LRP1B: variants seen among roughly 807,000 people sequenced by gnomAD.
The protein encoded by LRP1B is low-density lipoprotein receptor-related protein 1B.
In LRP1B, 217 loss-of-function variants were observed where a neutral mutation model predicts 556.6. The ratio of observed to expected loss-of-function variants is 0.39; its 90% confidence interval spans 0.35 to 0.44. The LOEUF (loss-of-function observed/expected upper bound fraction) is 0.44. Ranked by LOEUF, LRP1B falls within the 20% of genes least tolerant of loss-of-function variation. LRP1B has a pLI of 1.00. For missense variants in LRP1B, 5,053 were observed against 5,620.8 expected, an observed-to-expected ratio of 0.90 and a Z score of 3.23; for synonymous variants, 2,047 against 1,865.8, an observed-to-expected ratio of 1.10 and a Z score of -2.50.
intron 1 of LRP1B, among the ~76,000 whole-genome samples, chr2:142,059,117 A>G (rs1303810565): frequency 6.6e-6 from 1 of 152,058 alleles, no homozygotes; most frequent in Non-Finnish European, 1.5e-5. Flanking sequence ...CAGGGACATA[A>G]AGTAGATTCC....
chr2:141,867,289 T>C (rs1232781376), intron 1 of LRP1B, among the ~76,000 whole-genome samples: 2 of 152,060 alleles, frequency 1.3e-5, no homozygotes, highest in African/African-American at 4.8e-5. Flanking sequence ...GATGGGTCTA[T>C]CTAGGGTGCT....
intron 66 of LRP1B, among the ~76,000 whole-genome samples, chr2:140,389,526 A>G (rs1683916094): frequency 6.6e-6 from 1 of 150,892 alleles, no homozygotes; most frequent in African/African-American, 2.4e-5. Flanking sequence ...CAAACTAACA[A>G]TGGTATCAAT....
At chr2:140,661,515 A>C (rs911970614) in intron 41 of LRP1B, among the ~76,000 whole-genome samples, 13 of 151,792 alleles carry the variant, frequency 8.6e-5, no homozygotes, top group Admixed American at 2.6e-4. Flanking sequence ...AAAAAAAAAA[A>C]AAAAAACGCA....
At chr2:141,847,639 T>G (rs761992410) in intron 1 of LRP1B, among the ~76,000 whole-genome samples, 3 of 151,596 alleles carry the variant, frequency 2.0e-5, no homozygotes, top group Non-Finnish European at 4.4e-5. Flanking sequence ...GACCAACTTC[T>G]ACATATAAGG....
At position 140,378,306 on chromosome 2, in the gene LRP1B, A is replaced by C; in HGVS notation, c.10532-20T>G. The C allele has an allele frequency of 7.5e-7, 1 of 1,329,640 alleles. No homozygotes were observed. 82.4% of individuals were successfully genotyped at this position (1,329,640 alleles called of 1,614,324 possible). A position where few individuals can be genotyped will look rare whatever the true frequency, so the allele number is the denominator to read the frequency against. ...GTGGCTCTGGGGATAAAAAAACAGCACAGGGTTATTCTATTATATGTAAGT... is the reference window on the plus strand; with the variant it reads ...GTGGCTCTGGGGATAAAAAAACAGCCCAGGGTTATTCTATTATATGTAAGT... On this transcript the variant is annotated intron_variant, in intron 67 of 90. Coordinates refer to ENST00000389484, the MANE Select transcript of LRP1B (RefSeq NM_018557.3).
At chr2:140,966,561 G>C (rs979524502) in intron 18 of LRP1B, among the ~76,000 whole-genome samples, 2 of 152,140 alleles carry the variant, frequency 1.3e-5, no homozygotes, top group Admixed American at 6.5e-5. Context: ...GATCCCATTT[G>C]TCAATTTTGT....
chr2:140,801,821 A>G (rs1690523895), intron 32 of LRP1B, among the ~76,000 whole-genome samples: 1 of 152,138 alleles, frequency 6.6e-6, no homozygotes, highest in African/African-American at 2.4e-5. Flanking sequence ...GCAGATTTTG[A>G]AAGTTTGCAG....
chr2:141,075,957 T>C (rs535155231), intron 7 of LRP1B, among the ~76,000 whole-genome samples: 4 of 152,312 alleles, frequency 2.6e-5, no homozygotes, highest in East Asian at 1.9e-4. Flanking sequence ...TGCAATAATA[T>C]TGCAGTGATG....
intron 2 of LRP1B, among the ~76,000 whole-genome samples, chr2:141,741,816 T>C (rs778518281): frequency 3.7e-4 from 56 of 152,198 alleles, no homozygotes; most frequent in Non-Finnish European, 6.6e-4. Flanking sequence ...CTTTGTCCAT[T>C]TTTGCTTTGG....
chr2:141,740,653 C>G (rs1047487790), intron 2 of LRP1B, among the ~76,000 whole-genome samples: 5 of 152,022 alleles, frequency 3.3e-5, no homozygotes, highest in Non-Finnish European at 4.4e-5. Context: ...CTATAGTCGC[C>G]CTGTTCTGCT....
intron 3 of LRP1B, among the ~76,000 whole-genome samples, chr2:141,268,657 G>A (rs186321647): frequency 7.9e-5 from 12 of 152,200 alleles, no homozygotes; most frequent in South Asian, 6.2e-4. Context: ...AGTGGAATGC[G>A]GTGGGAACAT....
At chr2:140,604,611 T>A (rs1346772612) in intron 41 of LRP1B, among the ~76,000 whole-genome samples, 1 of 152,092 alleles carries the variant, frequency 6.6e-6, no homozygotes, top group East Asian at 1.9e-4. Flanking sequence ...GGAAAGGCAG[T>A]GAAGGGTATT....
rs530375670 is a variant in LRP1B at position 142,063,378 on chromosome 2, T to C, written c.82+67270A>G. ...TATATAATAGCTTTTGCATCGAAGATACTCTTAGAAAGTTAAATTCTTAAC... is the reference window on the plus strand; with the variant it reads ...TATATAATAGCTTTTGCATCGAAGACACTCTTAGAAAGTTAAATTCTTAAC... On this transcript the variant is annotated intron_variant, in intron 1 of 90. Coordinates refer to ENST00000389484, the MANE Select transcript of LRP1B (RefSeq NM_018557.3). Among the ~76,000 whole-genome samples the C allele has an allele frequency of 2.6e-5, 4 of 151,740 alleles. No individual in the cohort carries two copies. In the South Asian group the frequency reaches 8.3e-4, roughly 31 times the overall value.
chr2:140,622,718 G>A (rs544908735), intron 41 of LRP1B, among the ~76,000 whole-genome samples: 37 of 152,290 alleles, frequency 2.4e-4, no homozygotes, highest in South Asian at 6.2e-4. Flanking sequence ...AGACAATAAC[G>A]AGGGGTAATA....
At chr2:141,837,626 G>A (rs1697330563) in intron 1 of LRP1B, among the ~76,000 whole-genome samples, 1 of 152,042 alleles carries the variant, frequency 6.6e-6, no homozygotes, top group Non-Finnish European at 1.5e-5. Context: ...AAGACTGAAA[G>A]TTCTTTGGAG....
chr2:141,840,185 T>C (rs562599628), intron 1 of LRP1B, among the ~76,000 whole-genome samples: 44 of 151,982 alleles, frequency 2.9e-4, no homozygotes, highest in African/African-American at 1.0e-3. Flanking sequence ...ATTTGTATAA[T>C]TGAGGTTATA....
intron 41 of LRP1B, among the ~76,000 whole-genome samples, chr2:140,645,241 T>C (rs543874294): frequency 6.6e-6 from 1 of 152,266 alleles, no homozygotes; most frequent in East Asian, 1.9e-4. Context: ...CATTCAGTGA[T>C]ATTAACAATA....
intron 1 of LRP1B, among the ~76,000 whole-genome samples, chr2:141,989,021 T>C (rs1052873235): frequency 6.6e-6 from 1 of 152,092 alleles, no homozygotes; most frequent in Non-Finnish European, 1.5e-5. Context: ...TACTTTAAAA[T>C]GATAAATTTT....
intron 2 of LRP1B, among the ~76,000 whole-genome samples, chr2:141,662,507 C>T (rs1365478696): frequency 6.6e-6 from 1 of 151,766 alleles, no homozygotes; most frequent in Non-Finnish European, 1.5e-5. Context: ...AAATGGAAAG[C>T]AGAAAAAAGC....
Sources: gnomAD v4.1 joint callset for allele counts (sites outside exome capture counted in the v4.1 genomes callset) on GRCh38, gnomAD v4.1.1 for gene constraint, MANE v1.5 for transcripts, NCBI Gene and HGNC (gene_info 2026-07-23, HGNC 2026-07-21) for gene names.